FARS2: variants seen among roughly 807,000 people sequenced by gnomAD.
The protein encoded by FARS2 is phenylalanyl-tRNA synthetase 2, mitochondrial, also known as phenylalanine--tRNA ligase, mitochondrial.
FARS2 carries 40 observed loss-of-function variants against 46.4 expected under a neutral mutation model. The observed-to-expected ratio is 0.86, with a 90% CI of 0.67 to 1.12. FARS2 has a LOEUF of 1.12. Ranked by LOEUF, FARS2 falls within the 50% of genes most tolerant of loss-of-function variation. FARS2 has a pLI of 0.00. For missense variants in FARS2, 513 were observed against 567.9 expected, an observed-to-expected ratio of 0.90 and a Z score of 0.98; for synonymous variants, 234 against 214.9, an observed-to-expected ratio of 1.09 and a Z score of -0.78.
intron 1 of FARS2, among the ~76,000 whole-genome samples, chr6:5,349,807 T>C (rs962619554): frequency 4.6e-5 from 7 of 152,172 alleles, no homozygotes; most frequent in East Asian, 1.9e-4. Context: ...AAGAAGTACC[T>C]GTCAGGTGTT....
rs568887163 is a variant in FARS2, at chr6:5,476,107, C to T, written c.904+44935C>T. Among the ~76,000 whole-genome samples, 18 of 152,256 alleles carry T rather than the reference C, an allele frequency of 1.2e-4. 1 individual carries two copies. In the South Asian group the frequency reaches 2.3e-3, roughly 19 times the overall value. On this transcript the variant is annotated intron_variant, in intron 4 of 6. Transcript: ENST00000274680. Reference sequence around the variant, plus strand: ...GTCACTAAAGAGATGTTGCCTCTTCCTTCCCTCCAAGTTGAAGATCAGGAG... The same window carrying T: ...GTCACTAAAGAGATGTTGCCTCTTCTTTCCCTCCAAGTTGAAGATCAGGAG...
At chr6:5,455,218 GC>G (rs1319796607) in intron 4 of FARS2, among the ~76,000 whole-genome samples, 2 of 152,168 alleles carry the variant, frequency 1.3e-5, no homozygotes, top group Admixed American at 1.3e-4. Context: ...TTACCAAGCA[GC>G]TTTTTGATTT....
intron 2 of FARS2, among the ~76,000 whole-genome samples, chr6:5,375,249 A>G (rs774680798): frequency 2.6e-5 from 4 of 152,096 alleles, no homozygotes; most frequent in Non-Finnish European, 5.9e-5. Context: ...CAATATAGAA[A>G]AATTAATGTT....
intron 1 of FARS2, among the ~76,000 whole-genome samples, chr6:5,366,665 A>T (rs1758700298): frequency 6.6e-6 from 1 of 152,108 alleles, no homozygotes; most frequent in South Asian, 2.1e-4. Context: ...GTGGGTTTGG[A>T]TGTGTGAAGA....
At chr6:5,690,820 C>T (rs1389473303) in intron 6 of FARS2, among the ~76,000 whole-genome samples, 1 of 152,252 alleles carries the variant, frequency 6.6e-6, no homozygotes, top group African/African-American at 2.4e-5. Flanking sequence ...TTCTCCCCAT[C>T]ACTTTCAAGT....
At chr6:5,332,446 G>A (rs937645511) in intron 1 of FARS2, among the ~76,000 whole-genome samples, 2 of 152,184 alleles carry the variant, frequency 1.3e-5, no homozygotes, top group African/African-American at 4.8e-5. Context: ...AATGAGCAGA[G>A]CCATAGAAAG....
chr6:5,308,292 C>T (rs930364666), intron 1 of FARS2, among the ~76,000 whole-genome samples: 16 of 152,050 alleles, frequency 1.1e-4, no homozygotes, highest in Admixed American at 7.9e-4. Flanking sequence ...ATTAGTAGGT[C>T]GGGGCAAATG....
intron 4 of FARS2, among the ~76,000 whole-genome samples, chr6:5,486,894 A>G (rs1383012000): frequency 1.3e-5 from 2 of 152,228 alleles, no homozygotes; most frequent in Non-Finnish European, 2.9e-5. Flanking sequence ...TGGCAGTATT[A>G]TTAGCAATCT....
intron 1 of FARS2, among the ~76,000 whole-genome samples, chr6:5,293,764 A>G (rs1488931290): frequency 6.6e-6 from 1 of 152,212 alleles, no homozygotes; most frequent in East Asian, 1.9e-4. Flanking sequence ...CTTGAGGACA[A>G]CAGAACTGTT....
intron 2 of FARS2, among the ~76,000 whole-genome samples, chr6:5,384,153 G>A (rs1759971583): frequency 1.3e-5 from 2 of 152,142 alleles, no homozygotes; most frequent in Non-Finnish European, 2.9e-5. Context: ...TAATTTCCAT[G>A]TAATTTGTGT....
intron 6 of FARS2, among the ~76,000 whole-genome samples, chr6:5,704,528 C>CAACTATATA (rs1466298372): frequency 1.1e-4 from 17 of 152,202 alleles, no homozygotes; most frequent in African/African-American, 7.2e-5. Context: ...GAGTATAATT[C>CAACTATATA]TCTGCAACTA....
intron 4 of FARS2, among the ~76,000 whole-genome samples, chr6:5,496,595 C>G (rs1175876019): frequency 6.6e-6 from 1 of 152,212 alleles, no homozygotes; most frequent in Non-Finnish European, 1.5e-5. Flanking sequence ...CCTGAGGCCT[C>G]TTTCCTTGGC....
chr6:5,686,712 A>G (rs915430045), intron 6 of FARS2, among the ~76,000 whole-genome samples: 2 of 152,266 alleles, frequency 1.3e-5, no homozygotes, highest in Non-Finnish European at 2.9e-5. Context: ...CTTTGGGTAT[A>G]TACCCAGTAA....
intron 3 of FARS2, among the ~76,000 whole-genome samples, chr6:5,407,906 G>T (rs1050411168): frequency 6.6e-6 from 1 of 152,160 alleles, no homozygotes; most frequent in African/African-American, 2.4e-5. Flanking sequence ...CATTTTAGAG[G>T]CAGGGTGAGG....
At chr6:5,351,812 C>T (rs1005354421) in intron 1 of FARS2, among the ~76,000 whole-genome samples, 1 of 152,196 alleles carries the variant, frequency 6.6e-6, no homozygotes, top group Non-Finnish European at 1.5e-5. Flanking sequence ...TCAATTCACA[C>T]ATCACTGCAC....
At chr6:5,761,634 ATC>A (rs1380328437) in intron 6 of FARS2, among the ~76,000 whole-genome samples, 2 of 152,152 alleles carry the variant, frequency 1.3e-5, no homozygotes, top group Non-Finnish European at 2.9e-5. Context: ...GAAAAATAAA[ATC>A]TCTTCCAAAT....
intron 4 of FARS2, among the ~76,000 whole-genome samples, chr6:5,490,310 G>A (rs570943759): frequency 3.9e-5 from 6 of 152,298 alleles, no homozygotes; most frequent in African/African-American, 1.4e-4. Context: ...ATGGACGTTT[G>A]GATTGCTTCC....
chr6:5,299,955 TAG>T, intron 1 of FARS2, among the ~76,000 whole-genome samples: 1 of 152,198 alleles, frequency 6.6e-6, no homozygotes, highest in Non-Finnish European at 1.5e-5. Flanking sequence ...AAAAAAAGAT[TAG>T]ATATAAAATT....
At chr6:5,699,042 T>C (rs1449819808) in intron 6 of FARS2, among the ~76,000 whole-genome samples, 1 of 152,172 alleles carries the variant, frequency 6.6e-6, no homozygotes, top group Non-Finnish European at 1.5e-5. Context: ...CTCAGACTGC[T>C]GGGAAGGGCT....
Sources: gnomAD v4.1 joint callset for allele counts (sites outside exome capture counted in the v4.1 genomes callset) on GRCh38, gnomAD v4.1.1 for gene constraint, MANE v1.5 for transcripts, NCBI Gene and HGNC (gene_info 2026-07-23, HGNC 2026-07-21) for gene names.